GMDS: variants seen among roughly 807,000 people sequenced by gnomAD.
GMDS encodes the protein GDP-mannose 4,6-dehydratase.
In GMDS, 20 loss-of-function variants were observed where a neutral mutation model predicts 49.9. The observed-to-expected ratio is 0.40, with a 90% CI of 0.28 to 0.58. GMDS has a LOEUF of 0.58. Ranked by LOEUF, GMDS falls within the 20% of genes least tolerant of loss-of-function variation. The probability of loss-of-function intolerance (pLI) is 0.42; values close to 1 mark genes in which losing one functional copy is unlikely to be tolerated. For missense variants in GMDS, 362 were observed against 481.4 expected (o/e 0.75, Z 2.32); for synonymous variants, 177 against 178.6 (o/e 0.99, Z 0.07).
chr6:2,053,306 A>G (rs1770560823), intron 4 of GMDS, among the ~76,000 whole-genome samples: 1 of 152,112 alleles, frequency 6.6e-6, no homozygotes, highest in Admixed American at 6.5e-5. Context: ...TCTTACAGTG[A>G]TTCTATTTGA....
At chr6:1,710,956 G>A (rs994686128) in intron 9 of GMDS, among the ~76,000 whole-genome samples, 1 of 152,138 alleles carries the variant, frequency 6.6e-6, no homozygotes, top group African/African-American at 2.4e-5. Flanking sequence ...TACAAAATAC[G>A]TACACCTATG....
intron 9 of GMDS, among the ~76,000 whole-genome samples, chr6:1,673,599 A>G (rs1442575524): frequency 6.6e-6 from 1 of 152,118 alleles, no homozygotes; most frequent in African/African-American, 2.4e-5. Flanking sequence ...CCATGGCATG[A>G]GTCTACAGAT....
intron 4 of GMDS, among the ~76,000 whole-genome samples, chr6:2,057,673 T>TAAAATTGAAGA (rs1562012853): frequency 6.6e-6 from 1 of 152,198 alleles, no homozygotes; most frequent in Admixed American, 6.5e-5. Context: ...TCTGCTATAG[T>TAAAATTGAAGA]AAAATTGAAG....
intron 4 of GMDS, among the ~76,000 whole-genome samples, chr6:2,101,123 A>G (rs1773899016): frequency 2.6e-5 from 4 of 152,086 alleles, no homozygotes. Flanking sequence ...GTACTAATTT[A>G]GTATGTAATT....
intron 7 of GMDS, among the ~76,000 whole-genome samples, chr6:1,768,081 T>C (rs1267339215): frequency 6.6e-6 from 1 of 152,174 alleles, no homozygotes; most frequent in Non-Finnish European, 1.5e-5. Flanking sequence ...TGTTACTATA[T>C]GAAGCAGAAG....
chr6:1,632,982 A>C (rs1763042576), intron 9 of GMDS, among the ~76,000 whole-genome samples: 1 of 152,202 alleles, frequency 6.6e-6, no homozygotes, highest in Non-Finnish European at 1.5e-5. Flanking sequence ...AATAACTCTG[A>C]GATTCAGGTT....
chr6:1,662,597 G>A (rs954826022), intron 9 of GMDS, among the ~76,000 whole-genome samples: 5 of 152,136 alleles, frequency 3.3e-5, no homozygotes, highest in Non-Finnish European at 7.4e-5. Context: ...AGGCCTGTCT[G>A]TACCACTGGA....
intron 7 of GMDS, among the ~76,000 whole-genome samples, chr6:1,845,698 A>T (rs138648912): frequency 5.6e-4 from 86 of 152,250 alleles, no homozygotes; most frequent in Admixed American, 4.1e-3. Context: ...TCCACCTCAG[A>T]TCATCAGGCA....
intron 4 of GMDS, among the ~76,000 whole-genome samples, chr6:1,986,680 T>C (rs759954905): frequency 6.6e-6 from 1 of 152,180 alleles, no homozygotes; most frequent in African/African-American, 2.4e-5. Flanking sequence ...AGAATCATGA[T>C]GACTCCAAAC....
At chr6:1,840,045 T>G (rs1757090050) in intron 7 of GMDS, among the ~76,000 whole-genome samples, 1 of 152,192 alleles carries the variant, frequency 6.6e-6, no homozygotes, top group Non-Finnish European at 1.5e-5. Flanking sequence ...ATAGAAGCAA[T>G]GAGAGGCGAG....
At chr6:2,189,765 G>C (rs1049180952) in intron 1 of GMDS, among the ~76,000 whole-genome samples, 6 of 152,184 alleles carry the variant, frequency 3.9e-5, no homozygotes, top group Admixed American at 1.3e-4. Flanking sequence ...TATTCTACCC[G>C]TTCTGGGGAA....
At chr6:1,703,372 C>G (rs1214556433) in intron 9 of GMDS, among the ~76,000 whole-genome samples, 1 of 152,090 alleles carries the variant, frequency 6.6e-6, no homozygotes, top group Non-Finnish European at 1.5e-5. Flanking sequence ...TTTCTTATCT[C>G]CAGTTCCACC....
chr6:2,083,166 G>A (rs1477617390), intron 4 of GMDS, among the ~76,000 whole-genome samples: 3 of 152,208 alleles, frequency 2.0e-5, no homozygotes, highest in Admixed American at 2.0e-4. Flanking sequence ...ACACGGCACT[G>A]TGGCTTTTAA....
chr6:1,949,154 C>G, intron 6 of GMDS: 1 of 280,796 alleles, frequency 3.6e-6, no homozygotes, highest in Non-Finnish European at 5.4e-6. Context: ...TGAAATAAAT[C>G]TTCAAAATCT....
At chr6:1,677,305 G>GAGGATGTGGAGAAAT (rs1276496513) in intron 9 of GMDS, among the ~76,000 whole-genome samples, 2 of 152,178 alleles carry the variant, frequency 1.3e-5, no homozygotes, top group Non-Finnish European at 2.9e-5. Context: ...ATGTGCTGGA[G>GAGGATGTGGAGAAAT]AGGATGTGGA....
intron 1 of GMDS, among the ~76,000 whole-genome samples, chr6:2,237,644 C>T (rs1781424606): frequency 6.6e-6 from 1 of 151,578 alleles, no homozygotes; most frequent in East Asian, 1.9e-4. Flanking sequence ...GCCTCAGCCT[C>T]CCGAGTACTT....
chr6:1,923,091 T>G (rs919828120), intron 7 of GMDS, among the ~76,000 whole-genome samples: 19 of 152,194 alleles, frequency 1.2e-4, no homozygotes, highest in African/African-American at 4.6e-4. Context: ...CCTTCCACCA[T>G]GACTGTGAGG....
chr6:1,632,057 C>A (rs1334090194), intron 9 of GMDS, among the ~76,000 whole-genome samples: 1 of 152,180 alleles, frequency 6.6e-6, no homozygotes, highest in Admixed American at 6.5e-5. Context: ...TCCTTCTTTA[C>A]ATCTTCATGA....
rs3800096 is a variant in GMDS, at chr6:1,855,719, G to A, written c.771+74384C>T. ...TCTGAGAGCAGGATGCTGACTAGCA[G>A]GTTGACAAAGAAACAATATTTTTCA... On this transcript the variant is annotated intron_variant, in intron 7 of 10. Coordinates refer to ENST00000380815, the MANE Select transcript of GMDS (RefSeq NM_001500.4). Among the ~76,000 whole-genome samples, 190 of 152,246 alleles carry A rather than the reference G, an allele frequency of 1.2e-3. 1 individual carries two copies. The East Asian group carries it at 0.022, about 17-fold the overall frequency.
Sources: allele counts gnomAD v4.1 joint callset (sites outside exome capture counted in the v4.1 genomes callset), GRCh38; gene constraint gnomAD v4.1.1; transcripts MANE v1.5; gene names NCBI Gene and HGNC (gene_info 2026-07-23, HGNC 2026-07-21).